The following BAHCC1 variants were observed in gnomAD, a reference collection of about 807,000 sequenced individuals.
The protein encoded by BAHCC1 is BAH and coiled-coil domain-containing protein 1.
A neutral mutation model predicts 88.2 loss-of-function variants in BAHCC1; 43 were observed. The observed-to-expected ratio is 0.49, with a 90% CI of 0.38 to 0.63. The LOEUF (loss-of-function observed/expected upper bound fraction) is 0.63. Among genes scored for constraint, BAHCC1 ranks in the 20% least tolerant of loss-of-function variants. The pLI is 0.00. For missense variants in BAHCC1, 3,023 were observed against 1,654.8 expected, an observed-to-expected ratio of 1.83 and a Z score of -14.34; for synonymous variants, 1,510 against 745.5, an observed-to-expected ratio of 2.03 and a Z score of -16.71.
In BAHCC1 at chr17:81,464,591, G is replaced by GCAAA. The variant is rs2030572292; in HGVS notation, c.*775_*778dup. ...GGCCCGTGGGGAAAGGATTCAAGAG[G>GCAAA]CAAAGCCCAGACCAGGGAGTGTGAC... On this transcript the variant is annotated 3_prime_UTR_variant, in exon 28 of 28. Coordinates refer to ENST00000675386, the MANE Select transcript of BAHCC1 (RefSeq NM_001377448.1). 1 of 152,700 alleles carries GCAAA rather than the reference G, an allele frequency of 6.5e-6. No homozygotes were observed. Among genetic ancestry groups the GCAAA allele is most frequent in the Admixed American group, 6.5e-5 (1 of 15,320 alleles). 9.5% of individuals were successfully genotyped at this position (152,700 alleles called of 1,614,324 possible). A position where few individuals can be genotyped will look rare whatever the true frequency, so the allele number is the denominator to read the frequency against.
chr17:81,461,506 G>A lies in BAHCC1; in HGVS notation c.6843G>A (p.Pro2281=), dbSNP rs374073630. The A allele has an allele frequency of 4.3e-5, 32 of 741,458 alleles. No individual in the cohort carries two copies. Among genetic ancestry groups the A allele is most frequent in the Middle Eastern group, 2.3e-4 (1 of 4,414 alleles). 45.9% of individuals were successfully genotyped at this position (741,458 alleles called of 1,614,324 possible). The part of the protein sequence containing the change: ...LRKYAGQAEF[P]LPYDSDCHSS... ...AGTACGCGGGCCAGGCAGAGTTCCC[G>A]CTGCCCTACGACAGCGACTGCCACA... Residue 2281 remains proline (P), a synonymous_variant, in exon 26 of 28, where the codon CCG becomes CCA. Coordinates refer to ENST00000675386, the MANE Select transcript of BAHCC1 (RefSeq NM_001377448.1).
rs1555651643 is a variant in BAHCC1, at chr17:81,435,767, G to A, written c.359-2603G>A. Among the ~76,000 whole-genome samples, 1 of 151,662 alleles carries A rather than the reference G, an allele frequency of 6.6e-6. No homozygotes were observed. The highest frequency in any genetic ancestry group is 1.5e-5 in the Non-Finnish European group (1 of 67,854). ...ACTCCTCAGTGGCAACCCCTTCCAG[G>A]ATGCCTGTGTGTCCCCGGCCCGGCC... On this transcript the variant is annotated intron_variant, in intron 3 of 27. Coordinates refer to ENST00000675386, the MANE Select transcript of BAHCC1 (RefSeq NM_001377448.1). The surrounding 1 kb of genome is among the most constrained non-coding windows in gnomAD (Gnocchi z 4.4).
In BAHCC1 at chr17:81,443,576, G is replaced by T. The variant is rs558424790; in HGVS notation, c.2215+12G>T. The T allele has an allele frequency of 1.6e-4, 98 of 626,686 alleles. 1 individual carries two copies. The African/African-American group carries it at 1.6e-3, about 10-fold the overall frequency. 38.8% of individuals were successfully genotyped at this position (626,686 alleles called of 1,614,324 possible). ...CCCCGCCTTCAAAGGTACAGGCCCT[G>T]CACAGAGAGGGAGGCAGGCCGGGAC... On this transcript the variant is annotated intron_variant, in intron 5 of 27. Coordinates refer to ENST00000675386, the MANE Select transcript of BAHCC1 (RefSeq NM_001377448.1).
At chr17:81,412,488 G>T (rs899298601) in intron 2 of BAHCC1, among the ~76,000 whole-genome samples, 1 of 152,236 alleles carries the variant, frequency 6.6e-6, no homozygotes, top group Admixed American at 6.5e-5. Flanking sequence ...AATCCAAAGT[G>T]CCTAAGTCTG....
intron 2 of BAHCC1, among the ~76,000 whole-genome samples, chr17:81,418,599 C>T (rs370742542): frequency 1.1e-4 from 17 of 152,220 alleles, no homozygotes; most frequent in African/African-American, 3.4e-4. Context: ...TTTTGCACAG[C>T]GGAGGCCAAG....
At chr17:81,397,896 AAAG>A (rs1216006304) in intron 1 of BAHCC1, among the ~76,000 whole-genome samples, 1 of 152,256 alleles carries the variant, frequency 6.6e-6, no homozygotes, top group African/African-American at 2.4e-5. Flanking sequence ...AAATATTAAA[AAAG>A]CTTATCAGCT....
At chr17:81,463,393 G>A (rs892229556) in intron 27 of BAHCC1, among the ~76,000 whole-genome samples, 2 of 152,296 alleles carry the variant, frequency 1.3e-5, no homozygotes, top group East Asian at 1.9e-4. Flanking sequence ...CTCTGACTCC[G>A]ACAGCCCCCA....
Position 81,447,732 on chromosome 17 carries a change from C to T in BAHCC1, c.3860C>T (p.Ser1287Phe). Residue 1287 changes from serine to phenylalanine, a missense_variant, in exon 11 of 28, where the codon TCT (serine) becomes TTT (phenylalanine). Ser to Phe is a radical substitution (Grantham distance 155). Transcript: ENST00000675386. ...CCGGACCCTCAGCCCCCAGCGGCCT[C>T]TGGGCCCCCCAGCACAGTCCCCCTG... Reference protein sequence around the residue: ...SPPDPQPPAASGPPSTVPLPH... With the variant: ...SPPDPQPPAAFGPPSTVPLPH... 2 of 734,610 alleles carry T rather than the reference C, an allele frequency of 2.7e-6. No individual in the cohort carries two copies. Among genetic ancestry groups the T allele is most frequent in the Non-Finnish European group, 2.5e-6 (1 of 395,334 alleles). The allele number at this position is 734,610 out of a possible 1,614,324, so 45.5% of individuals were successfully genotyped here.
At chr17:81,400,124 C>T (rs1008671128) in intron 2 of BAHCC1, among the ~76,000 whole-genome samples, 1 of 152,102 alleles carries the variant, frequency 6.6e-6, no homozygotes, top group Non-Finnish European at 1.5e-5. Flanking sequence ...CCCTGGCCAC[C>T]CTCCCCCGGG....
At chr17:81,438,330 C>T (rs1245288653) in intron 3 of BAHCC1, 40 bp from the exon 4 acceptor site, 1 of 776,216 alleles carries the variant, frequency 1.3e-6, no homozygotes. Context: ...GGCCAGGGGG[C>T]TGGGAGTTGC....
At position 81,442,724 on chromosome 17, in the gene BAHCC1, G is replaced by A; in HGVS notation, c.1375G>A (p.Ala459Thr). Residue 459 changes from alanine to threonine, a missense_variant, in exon 5 of 28, where the codon GCG (alanine) becomes ACG (threonine). Physicochemically the swap from Ala to Thr is moderately conservative, Grantham distance 58. Coordinates refer to ENST00000675386, the MANE Select transcript of BAHCC1 (RefSeq NM_001377448.1). ...CGAGCGGCGGCCTGGGGGCTTTGAG[G>A]CGGCCCTCAACCCCCGGCTAAAGGG... is the stretch of plus-strand genomic sequence containing the variant. ...KGERRPGGFE[A>T]ALNPRLKGLD... 2.6e-6 allele frequency: 2 copies of A among 776,538 alleles called. No homozygotes were observed. Among genetic ancestry groups the A allele is most frequent in the Non-Finnish European group, 4.8e-6 (2 of 416,734 alleles). 48.1% of individuals were successfully genotyped at this position (776,538 alleles called of 1,614,324 possible). A position where few individuals can be genotyped will look rare whatever the true frequency, so the allele number is the denominator to read the frequency against.
chr17:81,397,273 A>C (rs538073576), intron 1 of BAHCC1: 1 of 151,952 alleles, frequency 6.6e-6, no homozygotes, highest in African/African-American at 2.4e-5. Context: ...GAAAGGAACA[A>C]TCGGGCCTGC....
intron 8 of BAHCC1, 25 bp from the exon 9 acceptor site, chr17:81,444,990 G>A: frequency 1.4e-6 from 1 of 726,386 alleles, no homozygotes; most frequent in Non-Finnish European, 2.5e-6. Context: ...CAGCCAGGCT[G>A]ACCCCTCCTG....
chr17:81,430,213 C>T lies in BAHCC1; in HGVS notation c.358+3234C>T, dbSNP rs1008931491. ...TGTCAGCAGGCCTGGTCCCCTCCCT[C>T]CCCACCGCGCCCCCCAGCTGCCTGG... On this transcript the variant is annotated intron_variant, in intron 3 of 27. Coordinates refer to ENST00000675386, the MANE Select transcript of BAHCC1 (RefSeq NM_001377448.1). 5.3e-5 allele frequency among the ~76,000 whole-genome samples: 8 copies of T among 152,158 alleles called. No individual in the cohort carries two copies. In the East Asian group the frequency reaches 1.4e-3, roughly 26 times the overall value.
chr17:81,402,798 C>T (rs2063833517), intron 2 of BAHCC1: 1 of 152,260 alleles, frequency 6.6e-6, no homozygotes, highest in South Asian at 2.1e-4. Context: ...CCACCCAACA[C>T]TTTCAGAATG....
rs781976545 is a variant in BAHCC1 at position 81,442,248 on chromosome 17, C to G, written c.899C>G (p.Ala300Gly). The change falls in exon 5 of 28, where the codon GCC becomes GGC. Residue 300 changes from alanine (A) to glycine (G), a missense_variant. Physicochemically the swap from Ala to Gly is moderately conservative, Grantham distance 60 (BLOSUM62 0). Transcript: ENST00000675386. The part of the protein sequence containing the change: ...LNGEMGRAAL[A>G]SCAGGMLGRP... The stretch of plus-strand genomic sequence containing the variant: ...GGCGAGATGGGCAGGGCTGCGCTAG[C>G]CAGCTGTGCAGGGGGCATGCTGGGG... The G allele has an allele frequency of 1.6e-6, 1 of 630,280 alleles. No individual in the cohort carries two copies. The allele number at this position is 630,280 out of a possible 1,614,324, so 39.0% of individuals were successfully genotyped here.
At position 81,465,092 on chromosome 17, in the gene BAHCC1, G is replaced by C. The variant is rs1350776530; in HGVS notation, c.*1275G>C. The C allele has an allele frequency of 6.6e-6, 1 of 152,264 alleles. No individual in the cohort carries two copies. The highest frequency in any genetic ancestry group is 2.4e-5 in the African/African-American group (1 of 41,454). 9.4% of individuals were successfully genotyped at this position (152,264 alleles called of 1,614,324 possible). Reference sequence around the variant, plus strand: ...CCCCAAACCCCTGGCCTGCTGCGTAGATGGTGGTGAGGCCAGGCCAGCAGT... The same window carrying C: ...CCCCAAACCCCTGGCCTGCTGCGTACATGGTGGTGAGGCCAGGCCAGCAGT... On this transcript the variant is annotated 3_prime_UTR_variant, in exon 28 of 28. Coordinates refer to ENST00000675386, the MANE Select transcript of BAHCC1 (RefSeq NM_001377448.1).
intron 9 of BAHCC1, 67 bp from the exon 10 acceptor site, chr17:81,445,287 C>T: frequency 4.1e-6 from 3 of 727,310 alleles, no homozygotes; most frequent in Non-Finnish European, 7.7e-6. Flanking sequence ...CAGGATGAAC[C>T]CAAGCAGGGG....
At chr17:81,410,312 C>T (rs1555647651) in intron 2 of BAHCC1, among the ~76,000 whole-genome samples, 1 of 152,206 alleles carries the variant, frequency 6.6e-6, no homozygotes, top group African/African-American at 2.4e-5. Context: ...AGCGAGACTC[C>T]TGAGGGCCCA....
Sources: allele counts gnomAD v4.1 joint callset (sites outside exome capture counted in the v4.1 genomes callset), GRCh38; gene constraint gnomAD v4.1.1; non-coding constraint Gnocchi (gnomAD v3.1); transcripts MANE v1.5; gene names NCBI Gene and HGNC (gene_info 2026-07-23, HGNC 2026-07-21).